Variants in INSL6 observed in about 807,000 individuals in gnomAD.
INSL6 encodes insulin like 6.
INSL6 carries 16 observed loss-of-function variants against 9.4 expected under a neutral mutation model. The observed-to-expected ratio is 1.70, with a 90% CI of 1.15 to 2.59. The LOEUF is 2.59. Among genes scored for constraint, INSL6 ranks in the 30% most tolerant of loss-of-function variants. The pLI is 0.00. For missense variants in INSL6, 391 were observed against 257.3 expected (o/e 1.52, Z -3.56); for synonymous variants, 154 against 96.9 (o/e 1.59, Z -3.46).
intron 2 of INSL6, among the ~76,000 whole-genome samples, chr9:5,157,663 C>G (rs1824841170): frequency 6.6e-6 from 1 of 152,120 alleles, no homozygotes. Flanking sequence ...TTGTAATAAG[C>G]TAAAATTTAA....
the INSL6 span, among the ~76,000 whole-genome samples, chr9:5,024,528 T>G: frequency 2.0e-5 from 3 of 152,100 alleles, no homozygotes; most frequent in African/African-American, 7.2e-5. Context: ...GCTTAGGGTC[T>G]TTTCTTCTAA....
At chr9:5,034,144 A>G in the INSL6 span, among the ~76,000 whole-genome samples, 1 of 152,220 alleles carries the variant, frequency 6.6e-6, no homozygotes, top group Admixed American at 6.5e-5. Flanking sequence ...GAAACAAAGA[A>G]GGCCATTACA....
chr9:5,150,017 A>G (rs936192408), intron 2 of INSL6, among the ~76,000 whole-genome samples: 2 of 152,248 alleles, frequency 1.3e-5, no homozygotes, highest in Non-Finnish European at 2.9e-5. Flanking sequence ...TAGTTTAAAA[A>G]TGGTGCTAGG....
the INSL6 span, among the ~76,000 whole-genome samples, chr9:5,035,660 G>T: frequency 6.6e-6 from 1 of 152,166 alleles, no homozygotes; most frequent in African/African-American, 2.4e-5. Context: ...GGCAGAAAAG[G>T]TCTTTGGCAA....
the INSL6 span, chr9:5,066,935 T>G: frequency 2.6e-6 from 1 of 382,704 alleles, no homozygotes; most frequent in East Asian, 3.8e-5. Flanking sequence ...TCCTCAGAGA[T>G]TCTGTACAAA....
At chr9:5,054,908 GTTC>G in the INSL6 span, 1 of 1,478,724 alleles carries the variant, frequency 6.8e-7, no homozygotes, top group African/African-American at 1.4e-5. This position sits in a 1 kb window ranked among gnomAD's most constrained non-coding sequence, Gnocchi z 4.9. Context: ...ATATGTTCTT[GTTC>G]TTTGTTATTT....
chr9:5,033,873 C>G, the INSL6 span, among the ~76,000 whole-genome samples: 13 of 152,154 alleles, frequency 8.5e-5, no homozygotes, highest in Non-Finnish European at 1.6e-4. Context: ...AAGACCGGAT[C>G]AAATTCACCC....
the INSL6 span, chr9:5,029,884 C>T: frequency 2.1e-5 from 34 of 1,611,096 alleles, no homozygotes; most frequent in Non-Finnish European, 2.9e-5. Flanking sequence ...GTCAACCAGG[C>T]ATAATGTACT....
downstream of INSL6, among the ~76,000 whole-genome samples, chr9:5,122,014 A>C (rs1259887747): frequency 6.6e-6 from 1 of 152,166 alleles, no homozygotes; most frequent in Non-Finnish European, 1.5e-5. Flanking sequence ...TAAATGTAAA[A>C]AGAATATAGC....
the INSL6 span, among the ~76,000 whole-genome samples, chr9:5,084,482 G>T: frequency 1.3e-5 from 2 of 151,938 alleles, no homozygotes; most frequent in African/African-American, 4.8e-5. Context: ...TCCAAAGAGG[G>T]ATATATATTT....
At chr9:5,167,694 C>G (rs1260694410) in intron 1 of INSL6, among the ~76,000 whole-genome samples, 1 of 152,210 alleles carries the variant, frequency 6.6e-6, no homozygotes, top group East Asian at 1.9e-4. Context: ...CCTACTGGCT[C>G]TGGAGAGGGA....
the INSL6 span, among the ~76,000 whole-genome samples, chr9:5,071,515 T>C: frequency 3.0e-4 from 45 of 152,222 alleles, no homozygotes; most frequent in Admixed American, 2.4e-3. Flanking sequence ...AATATCCTCA[T>C]TGACATTAAA....
At chr9:5,020,328 C>T in the INSL6 span, among the ~76,000 whole-genome samples, 3 of 152,106 alleles carry the variant, frequency 2.0e-5, no homozygotes, top group Admixed American at 6.5e-5. Context: ...CTGGTGCGAT[C>T]CCAAGGCCCC....
intron 2 of INSL6, among the ~76,000 whole-genome samples, chr9:5,134,071 G>A (rs1039891675): frequency 6.6e-6 from 1 of 152,062 alleles, no homozygotes; most frequent in East Asian, 1.9e-4. Flanking sequence ...CAGCTGAATC[G>A]GTCAGGCAGA....
chr9:5,021,371 C>A, the INSL6 span, among the ~76,000 whole-genome samples: 2 of 152,156 alleles, frequency 1.3e-5, no homozygotes, highest in South Asian at 4.1e-4. Flanking sequence ...CTTCTGTTGT[C>A]TGTAACTGAG....
chr9:4,993,181 C>G, the INSL6 span, among the ~76,000 whole-genome samples: 3 of 152,186 alleles, frequency 2.0e-5, no homozygotes, highest in Admixed American at 1.3e-4. Flanking sequence ...TTGAGAGGAA[C>G]TCTTTCCTCC....
chr9:5,163,328 G>T (rs904395702), downstream of INSL6, among the ~76,000 whole-genome samples: 3 of 152,210 alleles, frequency 2.0e-5, no homozygotes, highest in Admixed American at 6.5e-5. Flanking sequence ...TACCTTCAAA[G>T]CAAAGACAGG....
chr9:5,042,165 T>G, the INSL6 span, among the ~76,000 whole-genome samples: 15 of 147,326 alleles, frequency 1.0e-4, no homozygotes, highest in African/African-American at 2.5e-5. Flanking sequence ...GAGTCTCGCT[T>G]TGTCGCCCAG....
downstream of INSL6, chr9:5,123,246 G>T: frequency 5.2e-6 from 3 of 571,502 alleles, no homozygotes; most frequent in Admixed American, 3.1e-5. Flanking sequence ...GAGCTTTTAG[G>T]GTATCCACCA....
Sources: allele counts gnomAD v4.1 joint callset (sites outside exome capture counted in the v4.1 genomes callset), GRCh38; gene constraint gnomAD v4.1.1; non-coding constraint Gnocchi (gnomAD v3.1); transcripts MANE v1.5; gene names NCBI Gene and HGNC (gene_info 2026-07-23, HGNC 2026-07-21).